Variants in ILRUN observed in about 807,000 individuals in gnomAD.
ILRUN encodes the protein protein ILRUN.
Under a neutral mutation model 33.8 loss-of-function variants are expected in ILRUN, and 3 were observed. That is an observed-to-expected ratio of 0.09 (90% CI 0.04 to 0.23). ILRUN has a LOEUF of 0.23. ILRUN is among the 10% of genes least tolerant of loss of function. The pLI, the probability that ILRUN is intolerant of heterozygous loss-of-function variation, is 1.00. For missense variants in ILRUN, 210 were observed against 375.1 expected (o/e 0.56, Z 3.64); for synonymous variants, 124 against 138.9 (o/e 0.89, Z 0.75).
chr6:34,631,962 G>A (rs1762254857), intron 3 of ILRUN, among the ~76,000 whole-genome samples: 1 of 50,562 alleles, frequency 2.0e-5, no homozygotes, highest in Admixed American at 1.6e-4. Context: ...GGAATGGTAT[G>A]AATTACTGAA....
intron 3 of ILRUN, among the ~76,000 whole-genome samples, chr6:34,619,202 GA>G (rs1761959836): frequency 6.6e-6 from 1 of 152,176 alleles, no homozygotes; most frequent in South Asian, 2.1e-4. Flanking sequence ...AGATGAGGAA[GA>G]AGCTAGAAGA....
intron 1 of ILRUN, among the ~76,000 whole-genome samples, chr6:34,688,298 G>A (rs1391825136): frequency 1.3e-5 from 2 of 151,882 alleles, no homozygotes; most frequent in African/African-American, 2.4e-5. Flanking sequence ...CAGCTACTTG[G>A]GAGACTGAGG....
At chr6:34,691,166 G>C (rs559343476) in intron 1 of ILRUN, among the ~76,000 whole-genome samples, 2 of 152,212 alleles carry the variant, frequency 1.3e-5, no homozygotes, top group South Asian at 4.2e-4. Flanking sequence ...GGGATTACAG[G>C]TGTGAGCCAC....
At chr6:34,597,081 C>A (rs548313917) in intron 4 of ILRUN, among the ~76,000 whole-genome samples, 2 of 152,300 alleles carry the variant, frequency 1.3e-5, no homozygotes, top group South Asian at 4.1e-4. Flanking sequence ...GCAACTCCCA[C>A]AGCCTTCACT....
At chr6:34,668,423 T>C (rs138753956) in intron 1 of ILRUN, among the ~76,000 whole-genome samples, 1 of 152,130 alleles carries the variant, frequency 6.6e-6, no homozygotes, top group Non-Finnish European at 1.5e-5. Flanking sequence ...CTCAAAATAG[T>C]CCCTCACATC....
intron 3 of ILRUN, among the ~76,000 whole-genome samples, chr6:34,637,861 CTGCTGTTGTTGT>C (rs1762396269): frequency 2.0e-5 from 2 of 102,010 alleles, no homozygotes; most frequent in Non-Finnish European, 3.9e-5. Flanking sequence ...GCTGCTGCTG[CTGCTGTTGTTGT>C]TGTTGTTGTT....
At chr6:34,631,599 G>A (rs983291504) in intron 3 of ILRUN, among the ~76,000 whole-genome samples, 3 of 152,128 alleles carry the variant, frequency 2.0e-5, no homozygotes, top group Non-Finnish European at 4.4e-5. Flanking sequence ...AAAGTGCTGG[G>A]ATTACAGGAG....
At chr6:34,615,875 A>G (rs761627859) in intron 3 of ILRUN, among the ~76,000 whole-genome samples, 13 of 152,190 alleles carry the variant, frequency 8.5e-5, no homozygotes, top group Non-Finnish European at 1.3e-4. Context: ...GGTTACATCA[A>G]TGACTGTACA....
intron 1 of ILRUN, among the ~76,000 whole-genome samples, chr6:34,670,593 G>A (rs1168825836): frequency 6.6e-6 from 1 of 151,996 alleles, no homozygotes; most frequent in Non-Finnish European, 1.5e-5. Flanking sequence ...GCTCACAAAT[G>A]TAATCCCAGC....
chr6:34,685,942 A>G (rs1368083304), intron 1 of ILRUN, among the ~76,000 whole-genome samples: 1 of 152,182 alleles, frequency 6.6e-6, no homozygotes, highest in African/African-American at 2.4e-5. Flanking sequence ...ATGGACCAAC[A>G]ACCTAAATAT....
chr6:34,597,187 G>C (rs1761419854), intron 4 of ILRUN, among the ~76,000 whole-genome samples: 1 of 152,174 alleles, frequency 6.6e-6, no homozygotes. Context: ...GTTTCTACGT[G>C]GAGGTAGAGG....
intron 1 of ILRUN, among the ~76,000 whole-genome samples, chr6:34,677,064 T>A (rs1020802003): frequency 7.9e-5 from 12 of 151,420 alleles, no homozygotes; most frequent in African/African-American, 2.9e-4. Context: ...CCTAGCACTT[T>A]GGGAGGCCAA....
chr6:34,657,183 A>C (rs1405792163), intron 1 of ILRUN, among the ~76,000 whole-genome samples: 1 of 152,180 alleles, frequency 6.6e-6, no homozygotes, highest in African/African-American at 2.4e-5. Flanking sequence ...CGTTTTGAAA[A>C]CAGAATTTTT....
chr6:34,666,156 C>T (rs1305402045), intron 1 of ILRUN, among the ~76,000 whole-genome samples: 1 of 152,186 alleles, frequency 6.6e-6, no homozygotes, highest in Non-Finnish European at 1.5e-5. Flanking sequence ...CCAAAGAATG[C>T]CACATGGCAT....
At chr6:34,638,516 C>A (rs150882533) in intron 3 of ILRUN, among the ~76,000 whole-genome samples, 282 of 152,038 alleles carry the variant, frequency 1.9e-3, no homozygotes, top group African/African-American at 6.2e-3. Context: ...GAGTTCAAGA[C>A]CAGCCTGGGC....
At chr6:34,693,825 TA>T (rs1327500419) in intron 1 of ILRUN, among the ~76,000 whole-genome samples, 2 of 151,914 alleles carry the variant, frequency 1.3e-5, no homozygotes, top group Non-Finnish European at 2.9e-5. Context: ...ACTATATTTT[TA>T]ATTTTTTTTT....
At chr6:34,652,376 T>A (rs2814994) in intron 2 of ILRUN, among the ~76,000 whole-genome samples, 24,096 of 152,066 alleles carry the variant, frequency 0.16, 2,049 homozygotes, top group African/African-American at 0.2. Flanking sequence ...AGGGGGCGAA[T>A]GAAATTTTAC....
chr6:34,625,476 A>G (rs894143436), intron 3 of ILRUN, among the ~76,000 whole-genome samples: 6 of 152,226 alleles, frequency 3.9e-5, no homozygotes, highest in African/African-American at 1.2e-4. Context: ...TGCAGAGTAG[A>G]CACATGTTCT....
At chr6:34,657,432 T>C (rs1006483621) in intron 1 of ILRUN, among the ~76,000 whole-genome samples, 5 of 152,212 alleles carry the variant, frequency 3.3e-5, no homozygotes, top group African/African-American at 1.2e-4. Flanking sequence ...TCCATTCCTA[T>C]CCTCAAATCT....
Sources: gnomAD v4.1 joint callset for allele counts (sites outside exome capture counted in the v4.1 genomes callset) on GRCh38, gnomAD v4.1.1 for gene constraint, MANE v1.5 for transcripts, NCBI Gene and HGNC (gene_info 2026-07-23, HGNC 2026-07-21) for gene names.